The following SORCS1 variants were observed in gnomAD, a reference collection of about 807,000 sequenced individuals.
SORCS1 encodes sortilin related VPS10 domain containing receptor 1.
Under a neutral mutation model 146.1 loss-of-function variants are expected in SORCS1, and 60 were observed. The observed-to-expected ratio is 0.41, with a 90% CI of 0.33 to 0.51. The LOEUF is 0.51. SORCS1 is among the 20% of genes least tolerant of loss of function. The probability of loss-of-function intolerance (pLI) is 0.21; values close to 1 mark genes in which losing one functional copy is unlikely to be tolerated. For missense variants in SORCS1, 1,352 were observed against 1,487.6 expected, an observed-to-expected ratio of 0.91 and a Z score of 1.50; for synonymous variants, 637 against 584.0, an observed-to-expected ratio of 1.09 and a Z score of -1.31.
intron 2 of SORCS1, among the ~76,000 whole-genome samples, chr10:106,927,693 G>C (rs1041422557): frequency 6.6e-6 from 1 of 152,130 alleles, no homozygotes; most frequent in African/African-American, 2.4e-5. Context: ...GTCCCCACCA[G>C]ATTAGCTAGA....
chr10:106,782,914 G>A (rs1167427836), intron 3 of SORCS1, among the ~76,000 whole-genome samples: 1 of 152,194 alleles, frequency 6.6e-6, no homozygotes, highest in African/African-American at 2.4e-5. Context: ...CCTGGCTCTA[G>A]TCAATGTCTT....
intron 18 of SORCS1, 24 bp downstream of exon 18, chr10:106,652,358 G>C (rs1469237797): frequency 2.5e-6 from 4 of 1,575,334 alleles, no homozygotes; most frequent in African/African-American, 2.7e-5. Flanking sequence ...TAGAAAGTAG[G>C]GGGGAGATAG....
intron 2 of SORCS1, among the ~76,000 whole-genome samples, chr10:106,850,418 G>A (rs1409171013): frequency 6.6e-6 from 1 of 152,272 alleles, no homozygotes; most frequent in African/African-American, 2.4e-5. Context: ...CTTCCCAGGT[G>A]AGGCAATGCC....
intron 1 of SORCS1, among the ~76,000 whole-genome samples, chr10:107,140,138 T>C (rs916264600): frequency 2.0e-4 from 31 of 152,236 alleles, no homozygotes; most frequent in African/African-American, 6.8e-4. Flanking sequence ...GTTTTTCTGT[T>C]ATCTACCATT....
rs767553601 is a variant in SORCS1 at position 106,956,509 on chromosome 10, A to AT, written c.626+3dup. The AT allele has an allele frequency of 6.2e-7, 1 of 1,613,540 alleles. No homozygotes were observed. Among genetic ancestry groups the AT allele is most frequent in the Non-Finnish European group, 8.5e-7 (1 of 1,179,554 alleles). On this transcript the variant is annotated splice_donor_region_variant and intron_variant, in intron 2 of 25. Coordinates refer to ENST00000263054, the MANE Select transcript of SORCS1 (RefSeq NM_052918.5). ...GTAATTATTAGCTCCATTTATCTAC[A>AT]TACCTCCAAAGCGAGCTCTCTGTGA...
At chr10:106,792,021 T>G (rs997954143) in intron 3 of SORCS1, among the ~76,000 whole-genome samples, 1 of 152,234 alleles carries the variant, frequency 6.6e-6, no homozygotes, top group Non-Finnish European at 1.5e-5. Flanking sequence ...TCTGGGTATG[T>G]CTCTTTTTCT....
At chr10:106,851,981 A>C (rs1365712069) in intron 2 of SORCS1, among the ~76,000 whole-genome samples, 1 of 152,016 alleles carries the variant, frequency 6.6e-6, no homozygotes, top group Admixed American at 6.6e-5. Flanking sequence ...TGCGTTTTTA[A>C]TTTCAAATTC....
chr10:106,712,571 G>T (rs1266294028), intron 6 of SORCS1, among the ~76,000 whole-genome samples: 1 of 152,174 alleles, frequency 6.6e-6, no homozygotes, highest in African/African-American at 2.4e-5. Flanking sequence ...TCTATTAAAG[G>T]AGGATGCCAA....
chr10:106,607,299 T>G lies in SORCS1; in HGVS notation c.3034-2A>C. The G allele has an allele frequency of 6.2e-7, 1 of 1,613,632 alleles. No individual in the cohort carries two copies. The highest frequency in any genetic ancestry group is 8.5e-7 in the Non-Finnish European group (1 of 1,179,846). On this transcript the variant is annotated splice_acceptor_variant, in intron 22 of 25. Transcript: ENST00000263054. LOFTEE classifies it high-confidence loss of function. Reference sequence around the variant, plus strand: ...GTGCTGGCCTGGAACCCCTGTGGCCTGAGGGACAGACACAGGGGCTCACAT... The same window carrying G: ...GTGCTGGCCTGGAACCCCTGTGGCCGGAGGGACAGACACAGGGGCTCACAT...
At chr10:107,149,290 G>A (rs184103736) in intron 1 of SORCS1, among the ~76,000 whole-genome samples, 102 of 152,176 alleles carry the variant, frequency 6.7e-4, no homozygotes, top group Non-Finnish European at 1.1e-3. Context: ...TGTATTTAGC[G>A]TACATACACT....
intron 1 of SORCS1, among the ~76,000 whole-genome samples, chr10:107,142,674 G>T (rs184232559): frequency 6.6e-6 from 1 of 152,174 alleles, no homozygotes; most frequent in African/African-American, 2.4e-5. Flanking sequence ...TAGTACTTCA[G>T]TCTAATGTCC....
At chr10:106,828,683 G>A (rs981932187) in intron 3 of SORCS1, among the ~76,000 whole-genome samples, 10 of 152,046 alleles carry the variant, frequency 6.6e-5, no homozygotes, top group South Asian at 4.2e-4. Flanking sequence ...CTTAACAATC[G>A]TATGTCAGAA....
At chr10:106,751,058 C>CAAAAAAAAAAAAAAAAAAA (rs35691571) in intron 5 of SORCS1, among the ~76,000 whole-genome samples, 3 of 22,444 alleles carry the variant, frequency 1.3e-4, no homozygotes, top group African/African-American at 2.5e-4. Context: ...GACTCCGTCT[C>CAAAAAAAAAAAAAAAAAAA]AAAAAAAAAA....
At chr10:106,786,041 G>A (rs1946039303) in intron 3 of SORCS1, among the ~76,000 whole-genome samples, 5 of 152,174 alleles carry the variant, frequency 3.3e-5, no homozygotes, top group Admixed American at 2.0e-4. Context: ...AGACAGCAGT[G>A]CGGTGTTTTA....
At chr10:106,986,521 T>TGC (rs141574685) in intron 1 of SORCS1, among the ~76,000 whole-genome samples, 12 of 67,210 alleles carry the variant, frequency 1.8e-4, no homozygotes, top group Non-Finnish European at 3.6e-4. Context: ...CGTGTGTGTG[T>TGC]GTGTGTGTGT....
chr10:106,651,519 G>A (rs1319705529), intron 18 of SORCS1, among the ~76,000 whole-genome samples: 2 of 152,076 alleles, frequency 1.3e-5, no homozygotes, highest in Non-Finnish European at 1.5e-5. Flanking sequence ...AAAAACTGAG[G>A]GTCCCTGGAC....
At chr10:106,702,955 T>C (rs1854239036) in intron 8 of SORCS1, among the ~76,000 whole-genome samples, 1 of 152,196 alleles carries the variant, frequency 6.6e-6, no homozygotes, top group African/African-American at 2.4e-5. Context: ...AACATATTAA[T>C]TAATGGTGAA....
At chr10:106,694,345 C>T (rs1380231018) in intron 9 of SORCS1, among the ~76,000 whole-genome samples, 1 of 152,132 alleles carries the variant, frequency 6.6e-6, no homozygotes, top group Non-Finnish European at 1.5e-5. Flanking sequence ...CTGCAACCTC[C>T]ACCTCATGGG....
At chr10:106,612,371 C>T in intron 21 of SORCS1, among the ~76,000 whole-genome samples, 1 of 133,788 alleles carries the variant, frequency 7.5e-6, no homozygotes, top group East Asian at 2.7e-4. Flanking sequence ...CTCTGTCTCC[C>T]CCTTTCCCCC....
Sources: allele counts gnomAD v4.1 joint callset (sites outside exome capture counted in the v4.1 genomes callset), GRCh38; gene constraint gnomAD v4.1.1; transcripts MANE v1.5; gene names NCBI Gene and HGNC (gene_info 2026-07-23, HGNC 2026-07-21).